DLGAP2: variants seen among roughly 807,000 people sequenced by gnomAD.
DLGAP2 encodes the protein disks large-associated protein 2.
In DLGAP2, 26 loss-of-function variants were observed where a neutral mutation model predicts 100.3. That is an observed-to-expected ratio of 0.26 (90% CI 0.19 to 0.36). The LOEUF (loss-of-function observed/expected upper bound fraction) is 0.36. Among genes scored for constraint, DLGAP2 ranks in the 10% least tolerant of loss-of-function variants. DLGAP2 has a pLI of 1.00. For missense variants in DLGAP2, 1,858 were observed against 1,453.2 expected (o/e 1.28, Z -4.53); for synonymous variants, 886 against 630.1 (o/e 1.41, Z -6.08).
intron 1 of DLGAP2, among the ~76,000 whole-genome samples, chr8:763,966 G>A (rs1173819452): frequency 6.6e-6 from 1 of 152,204 alleles, no homozygotes; most frequent in Non-Finnish European, 1.5e-5. Flanking sequence ...CCTTTACTGT[G>A]TTTGGCTGAG....
intron 3 of DLGAP2, among the ~76,000 whole-genome samples, chr8:1,325,358 C>T (rs953437114): frequency 6.6e-6 from 1 of 152,222 alleles, no homozygotes; most frequent in African/African-American, 2.4e-5. Flanking sequence ...CAGCCATCTG[C>T]CTGCAGGGGG....
intron 6 of DLGAP2, among the ~76,000 whole-genome samples, chr8:1,592,630 T>C (rs1359778179): frequency 6.6e-6 from 1 of 152,206 alleles, no homozygotes; most frequent in Non-Finnish European, 1.5e-5. Flanking sequence ...CTTCTAACTA[T>C]TGAAAATTTT....
intron 1 of DLGAP2, among the ~76,000 whole-genome samples, chr8:742,962 T>A (rs1179930995): frequency 6.6e-6 from 1 of 152,222 alleles, no homozygotes; most frequent in African/African-American, 2.4e-5. Context: ...GCTGGATTAG[T>A]CTTGACTATT....
At chr8:1,187,936 C>T (rs1481962800) in intron 2 of DLGAP2, among the ~76,000 whole-genome samples, 3 of 126,142 alleles carry the variant, frequency 2.4e-5, no homozygotes, top group Non-Finnish European at 4.6e-5. Context: ...ATCTTGCACG[C>T]CCGGGACTTC....
intron 2 of DLGAP2, among the ~76,000 whole-genome samples, chr8:1,227,860 T>C (rs917536329): frequency 5.9e-5 from 9 of 152,198 alleles, no homozygotes; most frequent in African/African-American, 2.2e-4. Flanking sequence ...AAAATTGAAC[T>C]GTATTTGGAA....
intron 1 of DLGAP2, among the ~76,000 whole-genome samples, chr8:810,188 T>A (rs1796346544): frequency 6.6e-6 from 1 of 152,248 alleles, no homozygotes; most frequent in Admixed American, 6.5e-5. Flanking sequence ...AATCTCATGC[T>A]GTTTACTCTC....
intron 2 of DLGAP2, among the ~76,000 whole-genome samples, chr8:1,068,894 A>G (rs1014610265): frequency 3.9e-5 from 6 of 152,108 alleles, no homozygotes; most frequent in African/African-American, 1.4e-4. Flanking sequence ...TTGCATAAAA[A>G]AGGGAATCTG....
At chr8:1,634,182 C>T (rs549170076) in intron 8 of DLGAP2, among the ~76,000 whole-genome samples, 5 of 152,260 alleles carry the variant, frequency 3.3e-5, no homozygotes, top group African/African-American at 9.6e-5. Context: ...TTGGTTTCTG[C>T]GGTATTCAAG....
At chr8:1,240,801 A>T in intron 2 of DLGAP2, among the ~76,000 whole-genome samples, 3 of 5,534 alleles carry the variant, frequency 5.4e-4, no homozygotes, top group East Asian at 1.5e-3. Context: ...TAGTTCTTTC[A>T]CATGGCGCCA....
At chr8:1,197,131 C>G (rs895272637) in intron 2 of DLGAP2, among the ~76,000 whole-genome samples, 1 of 152,228 alleles carries the variant, frequency 6.6e-6, no homozygotes, top group Non-Finnish European at 1.5e-5. Flanking sequence ...AGGATGCACA[C>G]CCGCATTGCA....
At chr8:1,535,090 G>T (rs933937607) in intron 4 of DLGAP2, among the ~76,000 whole-genome samples, 1 of 152,226 alleles carries the variant, frequency 6.6e-6, no homozygotes. Context: ...GCAAGGTCCT[G>T]TGGAGCCACG....
At chr8:1,001,743 C>T (rs1800962383) in intron 2 of DLGAP2, among the ~76,000 whole-genome samples, 1 of 152,278 alleles carries the variant, frequency 6.6e-6, no homozygotes, top group African/African-American at 2.4e-5. Context: ...CTGTAACGTA[C>T]ACACACATTT....
chr8:1,100,651 G>A (rs763774408), intron 2 of DLGAP2, among the ~76,000 whole-genome samples: 16 of 152,180 alleles, frequency 1.1e-4, no homozygotes, highest in Non-Finnish European at 1.9e-4. Flanking sequence ...TATTTCAGAG[G>A]ATAATTGTCA....
chr8:1,115,768 G>A (rs187219767), intron 2 of DLGAP2, among the ~76,000 whole-genome samples: 1 of 152,304 alleles, frequency 6.6e-6, no homozygotes, highest in Admixed American at 6.5e-5. Flanking sequence ...TCAGCGGTCA[G>A]CCACACTCAT....
At position 1,575,210 on chromosome 8, in the gene DLGAP2, G is replaced by A. The variant is rs189297650; in HGVS notation, c.1442+9316G>A. On this transcript the variant is annotated intron_variant, in intron 6 of 14. Coordinates refer to ENST00000637795, the MANE Select transcript of DLGAP2 (RefSeq NM_001346810.2). ...ACAGAGGTTGACTCTGTGACTTGGCGATTGTGAGCAGTGCTGTGGCAAACG... is the reference window on the plus strand; with the variant it reads ...ACAGAGGTTGACTCTGTGACTTGGCAATTGTGAGCAGTGCTGTGGCAAACG... Among the ~76,000 whole-genome samples the A allele has an allele frequency of 6.6e-5, 10 of 152,266 alleles. No homozygotes were observed. In the East Asian group the frequency reaches 1.2e-3, roughly 18 times the overall value.
intron 1 of DLGAP2, among the ~76,000 whole-genome samples, chr8:843,241 T>C (rs2132719305): frequency 6.6e-6 from 1 of 152,364 alleles, no homozygotes; most frequent in South Asian, 2.1e-4. Flanking sequence ...TCATGTGAAG[T>C]TAAGAAGGTG....
intron 3 of DLGAP2, among the ~76,000 whole-genome samples, chr8:1,336,084 G>T (rs528412588): frequency 2.0e-5 from 3 of 152,364 alleles, no homozygotes; most frequent in Admixed American, 1.3e-4. Flanking sequence ...TCCTCCACAT[G>T]TGCAGTCTTG....
At chr8:878,310 T>C (rs1244709356) in intron 1 of DLGAP2, among the ~76,000 whole-genome samples, 1 of 152,152 alleles carries the variant, frequency 6.6e-6, no homozygotes, top group Non-Finnish European at 1.5e-5. Context: ...TTGAGATCCA[T>C]GGGACCCTCT....
chr8:807,691 G>A (rs937987490), intron 1 of DLGAP2, among the ~76,000 whole-genome samples: 1 of 151,960 alleles, frequency 6.6e-6, no homozygotes, highest in African/African-American at 2.4e-5. Flanking sequence ...AGAAACCCAA[G>A]GAATGAGGTT....
Sources: gnomAD v4.1 joint callset for allele counts (sites outside exome capture counted in the v4.1 genomes callset) on GRCh38, gnomAD v4.1.1 for gene constraint, MANE v1.5 for transcripts, NCBI Gene and HGNC (gene_info 2026-07-23, HGNC 2026-07-21) for gene names.